The following NXPE2 variants were observed in gnomAD, a reference collection of about 807,000 sequenced individuals.
NXPE2 encodes the protein neurexophilin and PC-esterase domain family member 2.
Under a neutral mutation model 34.4 loss-of-function variants are expected in NXPE2, and 34 were observed. The ratio of observed to expected loss-of-function variants is 0.99; its 90% confidence interval spans 0.75 to 1.31. The LOEUF (loss-of-function observed/expected upper bound fraction) is 1.31, where lower values mean the gene tolerates loss of function less well. Ranked by LOEUF, NXPE2 falls within the 40% of genes most tolerant of loss-of-function variation. The pLI is 0.00. For missense variants in NXPE2, 649 were observed against 672.5 expected (o/e 0.97, Z 0.39); for synonymous variants, 235 against 231.3 (o/e 1.02, Z -0.15).
the NXPE2 span, among the ~76,000 whole-genome samples, chr11:114,481,075 C>G: frequency 6.6e-6 from 1 of 152,162 alleles, no homozygotes; most frequent in African/African-American, 2.4e-5. Context: ...AGGCAGAACC[C>G]TTGTGCTGTT....
chr11:114,769,419 T>A, the NXPE2 span, among the ~76,000 whole-genome samples: 1 of 152,214 alleles, frequency 6.6e-6, no homozygotes, highest in African/African-American at 2.4e-5. Flanking sequence ...CTCAAGGATC[T>A]AGAAACAGAA....
chr11:114,656,493 A>C, the NXPE2 span, among the ~76,000 whole-genome samples: 4 of 152,218 alleles, frequency 2.6e-5, no homozygotes, highest in African/African-American at 9.6e-5. Flanking sequence ...AAGCTGGAGG[A>C]ATCATGCTCC....
chr11:114,800,331 C>A, the NXPE2 span, among the ~76,000 whole-genome samples: 7 of 152,236 alleles, frequency 4.6e-5, no homozygotes, highest in Non-Finnish European at 1.0e-4. Flanking sequence ...TTTATAATGT[C>A]TCAACATCAC....
chr11:114,516,223 G>A, the NXPE2 span, among the ~76,000 whole-genome samples: 1 of 152,232 alleles, frequency 6.6e-6, no homozygotes, highest in Non-Finnish European at 1.5e-5. Context: ...TTGGTGGAGA[G>A]ACTGAGGAGC....
the NXPE2 span, among the ~76,000 whole-genome samples, chr11:114,608,121 G>T: frequency 6.6e-6 from 1 of 151,642 alleles, no homozygotes. Flanking sequence ...GTTACCCAAT[G>T]GATAATAAGT....
the NXPE2 span, among the ~76,000 whole-genome samples, chr11:114,605,042 A>ACTG: frequency 2.6e-5 from 4 of 151,728 alleles, no homozygotes; most frequent in African/African-American, 9.7e-5. Context: ...GATAATAAGT[A>ACTG]CTGCCTCGTG....
chr11:114,557,634 C>CATATAT, the NXPE2 span, among the ~76,000 whole-genome samples: 393 of 128,326 alleles, frequency 3.1e-3, 1 homozygote, highest in Admixed American at 4.8e-3. Flanking sequence ...ATATATAATA[C>CATATAT]ATATATATAT....
At chr11:114,638,196 C>T in the NXPE2 span, among the ~76,000 whole-genome samples, 23 of 152,004 alleles carry the variant, frequency 1.5e-4, no homozygotes, top group East Asian at 1.4e-3. Context: ...CTTCCCTTCT[C>T]GCTTCATTTC....
At position 114,698,743 on chromosome 11, in the gene NXPE2, C is replaced by T; in HGVS notation, c.831C>T (p.Ser277=). ...THMTTRTRNI[S]YLSKEEWRLF... ...TGACCACTAGGACAAGAAATATTTCCTATCTTAGCAAGGAAGAATGGAGGC... is the reference window on the plus strand; with the variant it reads ...TGACCACTAGGACAAGAAATATTTCTTATCTTAGCAAGGAAGAATGGAGGC... Residue 277 remains serine (S), a synonymous_variant, in exon 3 of 6, where the codon TCC becomes TCT. Coordinates refer to ENST00000389586, the MANE Select transcript of NXPE2 (RefSeq NM_182495.6). The T allele has an allele frequency of 6.3e-7, 1 of 1,597,324 alleles. No homozygotes were observed. Among genetic ancestry groups the T allele is most frequent in the Admixed American group, 1.7e-5 (1 of 57,468 alleles).
chr11:114,518,580 A>G, the NXPE2 span, among the ~76,000 whole-genome samples: 1 of 152,218 alleles, frequency 6.6e-6, no homozygotes, highest in Non-Finnish European at 1.5e-5. Context: ...TAATTGTTGG[A>G]AACTGAATAG....
At chr11:114,699,063 A>G (rs1169933108) in intron 3 of NXPE2, among the ~76,000 whole-genome samples, 2 of 152,090 alleles carry the variant, frequency 1.3e-5, no homozygotes, top group African/African-American at 4.8e-5. Context: ...ATAGACCAGT[A>G]TTTTCTATAA....
chr11:114,712,524 A>G, the NXPE2 span, among the ~76,000 whole-genome samples: 20 of 152,228 alleles, frequency 1.3e-4, no homozygotes, highest in Admixed American at 5.9e-4. Context: ...GATGTTCAAT[A>G]TCACTAATCA....
chr11:114,774,365 G>A, the NXPE2 span, among the ~76,000 whole-genome samples: 7 of 152,178 alleles, frequency 4.6e-5, no homozygotes, highest in Admixed American at 6.5e-5. Flanking sequence ...TTAGTCCTTC[G>A]GACACAGTTG....
chr11:114,767,468 T>C, the NXPE2 span, among the ~76,000 whole-genome samples: 1 of 152,198 alleles, frequency 6.6e-6, no homozygotes. Context: ...GCCCTTTCCC[T>C]GGGCTTGCAG....
Position 114,694,613 on chromosome 11 carries a change from A to G in NXPE2, c.133-3432A>G, listed in dbSNP as rs77228275. ...ATTGTGTTTGTCCCATAGTTGTTGG[A>G]TATTCTGTTCTTTTTTCATGCTTTT... On this transcript the variant is annotated intron_variant, in intron 2 of 5. Coordinates refer to ENST00000389586, the MANE Select transcript of NXPE2 (RefSeq NM_182495.6). Among the ~76,000 whole-genome samples, 894 of 151,576 alleles carry G rather than the reference A, an allele frequency of 5.9e-3. 3 individuals are homozygous for G. Among genetic ancestry groups the G allele is most frequent in the African/African-American group, 0.02 (809 of 41,250 alleles).
chr11:114,507,051 AC>A, the NXPE2 span, among the ~76,000 whole-genome samples: 3 of 152,132 alleles, frequency 2.0e-5, no homozygotes, highest in Admixed American at 6.5e-5. Context: ...ATTACCACTG[AC>A]CCATAAGAAA....
the NXPE2 span, among the ~76,000 whole-genome samples, chr11:114,663,514 A>G: frequency 2.0e-5 from 3 of 152,044 alleles, no homozygotes; most frequent in African/African-American, 7.2e-5. Flanking sequence ...GTAGGGGTGT[A>G]AACTGGGAGC....
the NXPE2 span, among the ~76,000 whole-genome samples, chr11:114,620,559 A>G: frequency 6.6e-6 from 1 of 151,908 alleles, no homozygotes; most frequent in South Asian, 2.1e-4. Flanking sequence ...TAGGGTAACC[A>G]CTGTTACGCG....
chr11:114,770,407 G>A, the NXPE2 span, among the ~76,000 whole-genome samples: 9 of 152,346 alleles, frequency 5.9e-5, no homozygotes, highest in East Asian at 7.7e-4. Context: ...ACATGATTGC[G>A]TGAGTGTGCA....
Sources: allele counts gnomAD v4.1 joint callset (sites outside exome capture counted in the v4.1 genomes callset), GRCh38; gene constraint gnomAD v4.1.1; transcripts MANE v1.5; gene names NCBI Gene and HGNC (gene_info 2026-07-23, HGNC 2026-07-21).